SSBP2: variants seen among roughly 807,000 people sequenced by gnomAD.
SSBP2 encodes the protein single stranded DNA binding protein 2.
In SSBP2, 17 loss-of-function variants were observed where a neutral mutation model predicts 61.8. That is an observed-to-expected ratio of 0.28 (90% CI 0.19 to 0.41). SSBP2 has a LOEUF of 0.41. Ranked by LOEUF, SSBP2 falls within the 10% of genes least tolerant of loss-of-function variation. The probability of loss-of-function intolerance (pLI) is 1.00; values close to 1 mark genes in which losing one functional copy is unlikely to be tolerated. For synonymous variants in SSBP2, 139 were observed against 141.3 expected (o/e 0.98, Z 0.12); for missense variants, 310 against 458.7 (o/e 0.68, Z 2.96).
chr5:81,517,123 T>C (rs1035854712), intron 4 of SSBP2, among the ~76,000 whole-genome samples: 3 of 152,032 alleles, frequency 2.0e-5, no homozygotes, highest in Non-Finnish European at 4.4e-5. Flanking sequence ...CCACGACTAT[T>C]TAGGGTTGAG....
chr5:81,653,383 T>C (rs1749925275), intron 1 of SSBP2, among the ~76,000 whole-genome samples: 2 of 152,258 alleles, frequency 1.3e-5, no homozygotes, highest in Admixed American at 1.3e-4. Context: ...GTCTTCGCTA[T>C]TGTGAATAGT....
intron 4 of SSBP2, among the ~76,000 whole-genome samples, chr5:81,571,739 A>G (rs1458213296): frequency 2.6e-5 from 4 of 152,150 alleles, no homozygotes; most frequent in Admixed American, 2.0e-4. Flanking sequence ...AAACTAAAAT[A>G]TTCAACAATA....
intron 12 of SSBP2, among the ~76,000 whole-genome samples, chr5:81,445,970 A>G (rs1302508623): frequency 6.6e-6 from 1 of 152,196 alleles, no homozygotes; most frequent in Non-Finnish European, 1.5e-5. Flanking sequence ...TTCTTTGATA[A>G]TAATTATAAT....
intron 3 of SSBP2, among the ~76,000 whole-genome samples, chr5:81,630,132 A>G (rs1322989806): frequency 1.3e-5 from 2 of 152,240 alleles, no homozygotes; most frequent in African/African-American, 4.8e-5. Flanking sequence ...TCTTAGGTTG[A>G]GCAAATGAGC....
intron 4 of SSBP2, among the ~76,000 whole-genome samples, chr5:81,605,421 C>T (rs906076575): frequency 1.2e-4 from 18 of 152,192 alleles, no homozygotes; most frequent in African/African-American, 4.3e-4. Flanking sequence ...TTTTAACAAT[C>T]TAAATTAAAT....
intron 1 of SSBP2, among the ~76,000 whole-genome samples, chr5:81,691,313 TACCCAGACTAAGAATAAAAGAGAGAAGA>T (rs929752102): frequency 1.8e-4 from 27 of 151,896 alleles, no homozygotes; most frequent in African/African-American, 6.5e-4. Flanking sequence ...AATAAACCTT[TACCCAGACTAAGAATAAAAGAGAGAAGA>T]CCCAAATAAA....
intron 1 of SSBP2, among the ~76,000 whole-genome samples, chr5:81,738,504 T>G (rs1479804253): frequency 6.6e-6 from 1 of 152,180 alleles, no homozygotes; most frequent in African/African-American, 2.4e-5. Context: ...TCCAAGTTCC[T>G]CCCAAACTTC....
chr5:81,453,582 G>A (rs151190119), intron 10 of SSBP2, among the ~76,000 whole-genome samples: 266 of 150,042 alleles, frequency 1.8e-3, no homozygotes, highest in African/African-American at 6.3e-3. Context: ...TCAGCCTCCC[G>A]AGTAGCTGGG....
At chr5:81,488,049 A>ATATATAT (rs1766550954) in intron 6 of SSBP2, among the ~76,000 whole-genome samples, 1 of 50,530 alleles carries the variant, frequency 2.0e-5, no homozygotes, top group Non-Finnish European at 3.5e-5. Context: ...ATATATATAT[A>ATATATAT]TATATATATA....
chr5:81,510,514 G>C (rs2154080450), intron 5 of SSBP2, among the ~76,000 whole-genome samples: 1 of 152,262 alleles, frequency 6.6e-6, no homozygotes, highest in Non-Finnish European at 1.5e-5. Context: ...TGTAATCCCA[G>C]CACTTTGGGA....
intron 6 of SSBP2, among the ~76,000 whole-genome samples, chr5:81,485,442 G>A (rs1766311097): frequency 6.6e-6 from 1 of 152,014 alleles, no homozygotes; most frequent in Non-Finnish European, 1.5e-5. Context: ...GGTTTCAGGG[G>A]AACTCAAATT....
chr5:81,587,917 T>C (rs2153502823), intron 4 of SSBP2, among the ~76,000 whole-genome samples: 1 of 152,290 alleles, frequency 6.6e-6, no homozygotes, highest in Admixed American at 6.5e-5. Flanking sequence ...TTTTCTGGGC[T>C]TGCCACTATC....
intron 3 of SSBP2, among the ~76,000 whole-genome samples, 157 bp from the exon 4 acceptor site, chr5:81,615,714 A>C (rs1195202222): frequency 3.9e-5 from 6 of 152,250 alleles, no homozygotes; most frequent in Non-Finnish European, 8.8e-5. Flanking sequence ...AAGGCTCTTC[A>C]TGCAATAACA....
chr5:81,459,379 G>A (rs1373333462), intron 10 of SSBP2, among the ~76,000 whole-genome samples: 1 of 152,154 alleles, frequency 6.6e-6, no homozygotes, highest in Non-Finnish European at 1.5e-5. Flanking sequence ...CCTTGTGGGA[G>A]ATATAATCTT....
chr5:81,678,187 AT>A (rs894755764), intron 1 of SSBP2, among the ~76,000 whole-genome samples: 4 of 152,180 alleles, frequency 2.6e-5, no homozygotes, highest in African/African-American at 9.6e-5. Flanking sequence ...GGACAGATGG[AT>A]AATGTAAGAA....
chr5:81,638,639 CATT>C (rs1363550867), intron 2 of SSBP2, among the ~76,000 whole-genome samples: 7 of 151,708 alleles, frequency 4.6e-5, no homozygotes, highest in Admixed American at 2.0e-4. Flanking sequence ...ATTACATCAT[CATT>C]GTCACCAGCA....
chr5:81,424,432 C>CATAAATAAATAA (rs144602450), intron 16 of SSBP2, among the ~76,000 whole-genome samples: 3 of 151,252 alleles, frequency 2.0e-5, no homozygotes, highest in African/African-American at 7.3e-5. Context: ...CTCAAAAATA[C>CATAAATAAATAA]ATAAATAAAT....
chr5:81,711,983 A>G (rs1192905847), intron 1 of SSBP2, among the ~76,000 whole-genome samples: 1 of 151,960 alleles, frequency 6.6e-6, no homozygotes, highest in Non-Finnish European at 1.5e-5. Flanking sequence ...ACTATAAGCT[A>G]TTTAAGCTAT....
chr5:81,510,663 T>A (rs1478062407), intron 5 of SSBP2, among the ~76,000 whole-genome samples: 3 of 151,418 alleles, frequency 2.0e-5, no homozygotes, highest in African/African-American at 7.3e-5. Context: ...CAGGAGGCTG[T>A]GGCAGGAGAC....
Sources: allele counts gnomAD v4.1 joint callset (sites outside exome capture counted in the v4.1 genomes callset), GRCh38; gene constraint gnomAD v4.1.1; transcripts MANE v1.5; gene names NCBI Gene and HGNC (gene_info 2026-07-23, HGNC 2026-07-21).